The following ABR variants were observed in gnomAD, a reference collection of about 807,000 sequenced individuals.
ABR encodes the protein ABR activator of RhoGEF and GTPase.
Under a neutral mutation model 107.2 loss-of-function variants are expected in ABR, and 35 were observed. That is an observed-to-expected ratio of 0.33 (90% CI 0.25 to 0.43). The LOEUF is 0.43. ABR is among the 20% of genes least tolerant of loss of function. The probability of loss-of-function intolerance (pLI) is 1.00; values close to 1 mark genes in which losing one functional copy is unlikely to be tolerated. For missense variants in ABR, 815 were observed against 1,115.2 expected, an observed-to-expected ratio of 0.73 and a Z score of 3.83; for synonymous variants, 498 against 462.0, an observed-to-expected ratio of 1.08 and a Z score of -1.00.
chr17:1,172,473 G>A (rs539071372), intron 1 of ABR, among the ~76,000 whole-genome samples: 4 of 152,182 alleles, frequency 2.6e-5, no homozygotes, highest in African/African-American at 9.6e-5. Context: ...CTCCTGGGCC[G>A]GGCACGGTGG....
At position 1,157,431 on chromosome 17, in the gene ABR, A is replaced by C. The variant is rs1029983085; in HGVS notation, c.61+22236T>G. On this transcript the variant is annotated intron_variant, in intron 1 of 22. Coordinates refer to ENST00000302538, the MANE Select transcript of ABR (RefSeq NM_021962.5). The surrounding 1 kb of genome is among the most constrained non-coding windows in gnomAD (Gnocchi z 4.7). The stretch of plus-strand genomic sequence containing the variant: ...ACGCCCGGCTAATTTTTATATTTTT[A>C]ATAGAGACAGGGTCTCACCATGTTG... 1.3e-5 allele frequency among the ~76,000 whole-genome samples: 2 copies of C among 151,946 alleles called. No individual in the cohort carries two copies. Among genetic ancestry groups the C allele is most frequent in the Non-Finnish European group, 2.9e-5 (2 of 67,984 alleles).
At chr17:1,144,541 A>G (rs1251794470) in intron 1 of ABR, among the ~76,000 whole-genome samples, 1 of 151,782 alleles carries the variant, frequency 6.6e-6, no homozygotes, top group Non-Finnish European at 1.5e-5. Flanking sequence ...AAGAGATACC[A>G]GATAAAAAGA....
chr17:1,076,425 A>G (rs992238199), intron 6 of ABR, among the ~76,000 whole-genome samples: 4 of 151,972 alleles, frequency 2.6e-5, no homozygotes, highest in African/African-American at 9.7e-5. Flanking sequence ...GGGGGAAAAA[A>G]TCACACTGGA....
At chr17:1,191,507 G>A (rs1161420133), upstream of ABR, among the ~76,000 whole-genome samples, 5 of 151,830 alleles carry the variant, frequency 3.3e-5, no homozygotes, top group South Asian at 2.1e-4. Context: ...ACAGGCGCCC[G>A]CCACCATGCC....
intron 1 of ABR, among the ~76,000 whole-genome samples, chr17:1,140,436 G>A (rs567940536): frequency 6.6e-6 from 1 of 152,334 alleles, no homozygotes; most frequent in East Asian, 1.9e-4. Flanking sequence ...GAACTGGCCA[G>A]CGGAAGCGAG....
chr17:1,012,996 G>C (rs577232327), intron 17 of ABR, 109 bp downstream of exon 17: 7 of 1,371,726 alleles, frequency 5.1e-6, no homozygotes, highest in South Asian at 1.2e-5. Context: ...CGGGGAGGTC[G>C]AGGCGGCACA....
rs887932379 is a variant in ABR, at chr17:1,166,124, A to G, written c.61+13543T>C. ...CCCACCTCTGCTCTCCCAGAGCCCA[A>G]GGTGGAGTTTCACTTCGGTCATTCT... On this transcript the variant is annotated intron_variant, in intron 1 of 22. Transcript: ENST00000302538. Among the ~76,000 whole-genome samples, 7 of 152,212 alleles carry G rather than the reference A, an allele frequency of 4.6e-5. No homozygotes were observed. In the South Asian group the frequency reaches 1.2e-3, roughly 27 times the overall value.
chr17:1,166,582 AG>A (rs1324276751), intron 1 of ABR, among the ~76,000 whole-genome samples: 7 of 152,182 alleles, frequency 4.6e-5, no homozygotes, highest in Admixed American at 4.6e-4. Context: ...CGTTGTGCTA[AG>A]GAGTTTAGAG....
In ABR at chr17:1,157,978, T is replaced by C. The variant is rs921410321; in HGVS notation, c.61+21689A>G. Among the ~76,000 whole-genome samples, 2 of 152,186 alleles carry C rather than the reference T, an allele frequency of 1.3e-5. No individual in the cohort carries two copies. The highest frequency in any genetic ancestry group is 4.8e-5 in the African/African-American group (2 of 41,458). On this transcript the variant is annotated intron_variant, in intron 1 of 22. Coordinates refer to ENST00000302538, the MANE Select transcript of ABR (RefSeq NM_021962.5). The surrounding 1 kb of genome is among the most constrained non-coding windows in gnomAD (Gnocchi z 4.7). ...CTCATTTCAAGCGTGCATGGGTATATGTGTGTGTGCAGATGTACGTATGTG... is the reference window on the plus strand; with the variant it reads ...CTCATTTCAAGCGTGCATGGGTATACGTGTGTGTGCAGATGTACGTATGTG...
intron 5 of ABR, among the ~76,000 whole-genome samples, chr17:1,081,837 A>T (rs2036257037): frequency 6.6e-6 from 1 of 152,198 alleles, no homozygotes; most frequent in Non-Finnish European, 1.5e-5. Context: ...TCGGCCTCCC[A>T]AAGTGCTGGG....
intron 1 of ABR, among the ~76,000 whole-genome samples, chr17:1,162,222 G>A (rs975331538): frequency 4.6e-5 from 7 of 152,242 alleles, no homozygotes; most frequent in African/African-American, 9.6e-5. Flanking sequence ...GAACAGCGCC[G>A]TGAACACACG....
At chr17:1,173,398 CA>C (rs1194653084) in intron 1 of ABR, among the ~76,000 whole-genome samples, 2 of 147,524 alleles carry the variant, frequency 1.4e-5, no homozygotes, top group Non-Finnish European at 3.0e-5. Context: ...CAACACCCGC[CA>C]CCACCAAGGG....
chr17:1,069,214 GGGAA>G, intron 9 of ABR, among the ~76,000 whole-genome samples: 1 of 152,168 alleles, frequency 6.6e-6, no homozygotes, highest in African/African-American at 2.4e-5. Flanking sequence ...TTTAAAAACA[GGGAA>G]GGAAGCAGCG....
chr17:1,011,152 C>A lies in ABR; in HGVS notation c.2102-289G>T, dbSNP rs1191878773. 5 of 423,120 alleles carry A rather than the reference C, an allele frequency of 1.2e-5. No homozygotes were observed. The highest frequency in any genetic ancestry group is 2.2e-5 in the Non-Finnish European group (5 of 228,590). 26.2% of individuals were successfully genotyped at this position (423,120 alleles called of 1,614,324 possible). A position where few individuals can be genotyped will look rare whatever the true frequency, so the allele number is the denominator to read the frequency against. On this transcript the variant is annotated intron_variant, in intron 19 of 22. Coordinates refer to ENST00000302538, the MANE Select transcript of ABR (RefSeq NM_021962.5). The surrounding 1 kb of genome is among the most constrained non-coding windows in gnomAD (Gnocchi z 4.8). ...TCAGAGCCACATTCATACCATGTGGCCTGCAGCTTCCTTCCGACTGGAACC... is the reference window on the plus strand; with the variant it reads ...TCAGAGCCACATTCATACCATGTGGACTGCAGCTTCCTTCCGACTGGAACC...
At position 1,011,608 on chromosome 17, in the gene ABR, T is replaced by C. The variant is rs959783170; in HGVS notation, c.2101+238A>G. On this transcript the variant is annotated intron_variant, in intron 19 of 22. Transcript: ENST00000302538. This position sits in a 1 kb window ranked among gnomAD's most constrained non-coding sequence, Gnocchi z 4.8. ...TAAGTCCAGAACCAAAACCTACAAG[T>C]TGGGTCATCCTGGGCAAGTGAGTCG... 2.3e-5 allele frequency: 9 copies of C among 388,884 alleles called. No homozygotes were observed. The South Asian group carries it at 8.6e-4, about 37-fold the overall frequency. The allele number at this position is 388,884 out of a possible 1,614,324, so 24.1% of individuals were successfully genotyped here.
chr17:1,218,392 C>T (rs570466899), intron 1 of ABR, among the ~76,000 whole-genome samples: 3 of 152,246 alleles, frequency 2.0e-5, no homozygotes, highest in South Asian at 2.1e-4. Flanking sequence ...TTAGGTCTGT[C>T]GGGAAAATTA....
Position 1,088,115 on chromosome 17 carries a change from C to G in ABR, c.531+3550G>C, listed in dbSNP as rs1022781999. Among the ~76,000 whole-genome samples, 3 of 152,338 alleles carry G rather than the reference C, an allele frequency of 2.0e-5. No individual in the cohort carries two copies. The South Asian group carries it at 6.2e-4, about 32-fold the overall frequency. On this transcript the variant is annotated intron_variant, in intron 4 of 22. Coordinates refer to ENST00000302538, the MANE Select transcript of ABR (RefSeq NM_021962.5). ...CCCCGGGCCCTCCCAAATCTGCAGC[C>G]CCAGGGGCCTCAGGCATCGGTTCAC...
intron 1 of ABR, among the ~76,000 whole-genome samples, chr17:1,129,176 G>T (rs113535074): frequency 6.6e-6 from 1 of 152,196 alleles, no homozygotes; most frequent in African/African-American, 2.4e-5. Flanking sequence ...ACTGGGGCCT[G>T]TTGGAGGGTG....
intron 16 of ABR, among the ~76,000 whole-genome samples, chr17:1,032,746 T>C (rs1245005335): frequency 6.6e-6 from 1 of 152,160 alleles, no homozygotes; most frequent in Non-Finnish European, 1.5e-5. Flanking sequence ...AAATTACGTC[T>C]CAAGGTAACA....
Sources: allele counts gnomAD v4.1 joint callset (sites outside exome capture counted in the v4.1 genomes callset), GRCh38; gene constraint gnomAD v4.1.1; non-coding constraint Gnocchi (gnomAD v3.1); transcripts MANE v1.5; gene names NCBI Gene and HGNC (gene_info 2026-07-23, HGNC 2026-07-21).